CHST11: variants seen among roughly 807,000 people sequenced by gnomAD.
CHST11 encodes the protein C4S-1.
In CHST11, 9 loss-of-function variants were observed where a neutral mutation model predicts 30.4. The observed-to-expected ratio is 0.30, with a 90% CI of 0.18 to 0.52. CHST11 has a LOEUF of 0.52. Among genes scored for constraint, CHST11 ranks in the 20% least tolerant of loss-of-function variants. CHST11 has a pLI of 0.97. For missense variants in CHST11, 348 were observed against 460.6 expected (o/e 0.76, Z 2.24); for synonymous variants, 152 against 187.8 (o/e 0.81, Z 1.56).
intron 1 of CHST11, among the ~76,000 whole-genome samples, chr12:104,462,009 C>CA (rs1464481099): frequency 6.7e-6 from 1 of 150,346 alleles, no homozygotes. Flanking sequence ...ACTAAAAATA[C>CA]AAAAAAAATT....
At chr12:104,744,889 T>A (rs922156903) in intron 2 of CHST11, among the ~76,000 whole-genome samples, 3 of 140,902 alleles carry the variant, frequency 2.1e-5, no homozygotes, top group South Asian at 2.3e-4. Flanking sequence ...TTATTTATTT[T>A]TTGAGACAGA....
intron 1 of CHST11, among the ~76,000 whole-genome samples, chr12:104,506,717 C>T (rs1044347141): frequency 1.3e-5 from 2 of 152,132 alleles, no homozygotes; most frequent in Admixed American, 6.5e-5. Flanking sequence ...GTTCCCCAGG[C>T]GGGAGGGCTA....
At chr12:104,530,877 G>A (rs758247194) in intron 1 of CHST11, among the ~76,000 whole-genome samples, 1 of 152,230 alleles carries the variant, frequency 6.6e-6, no homozygotes, top group Non-Finnish European at 1.5e-5. Context: ...TCGTGCTGTA[G>A]ACCCTGATTC....
chr12:104,685,311 T>C (rs1452868691), intron 2 of CHST11, among the ~76,000 whole-genome samples: 1 of 152,230 alleles, frequency 6.6e-6, no homozygotes, highest in Non-Finnish European at 1.5e-5. Context: ...TTCTATCCCT[T>C]GATATTTATA....
At chr12:104,747,912 C>T (rs1189499846) in intron 2 of CHST11, among the ~76,000 whole-genome samples, 1 of 152,110 alleles carries the variant, frequency 6.6e-6, no homozygotes, top group Non-Finnish European at 1.5e-5. Context: ...TAAGGGAAAC[C>T]AGCTCTTCCT....
At chr12:104,689,845 C>T (rs1282958048) in intron 2 of CHST11, among the ~76,000 whole-genome samples, 8 of 152,172 alleles carry the variant, frequency 5.3e-5, no homozygotes, top group Admixed American at 5.2e-4. Flanking sequence ...CCCCTGGATG[C>T]TCTTCCCCAT....
At chr12:104,666,105 A>G (rs1318836312) in intron 2 of CHST11, among the ~76,000 whole-genome samples, 1 of 152,048 alleles carries the variant, frequency 6.6e-6, no homozygotes, top group African/African-American at 2.4e-5. Context: ...GGTGTGAGCC[A>G]CCGCACCCGG....
chr12:104,581,288 A>G (rs2038741721), intron 1 of CHST11, among the ~76,000 whole-genome samples: 1 of 152,188 alleles, frequency 6.6e-6, no homozygotes, highest in African/African-American at 2.4e-5. Context: ...GGTGGCAGAT[A>G]TCTGGAAGTC....
At chr12:104,630,076 T>G (rs938528274) in intron 2 of CHST11, among the ~76,000 whole-genome samples, 1 of 152,222 alleles carries the variant, frequency 6.6e-6, no homozygotes, top group Non-Finnish European at 1.5e-5. Context: ...AATTTTTCCT[T>G]TTGATTAATA....
chr12:104,751,361 C>T (rs2040430476), intron 2 of CHST11, among the ~76,000 whole-genome samples: 1 of 152,206 alleles, frequency 6.6e-6, no homozygotes, highest in South Asian at 2.1e-4. Flanking sequence ...CTGTTTCCTT[C>T]CTAGTCCTTT....
At chr12:104,601,653 T>C (rs140688954) in intron 1 of CHST11, among the ~76,000 whole-genome samples, 2 of 152,350 alleles carry the variant, frequency 1.3e-5, no homozygotes, top group East Asian at 3.9e-4. Flanking sequence ...CTGTCCTGTT[T>C]TCTTAAAACA....
chr12:104,669,090 C>T (rs563733668), intron 2 of CHST11, among the ~76,000 whole-genome samples: 10 of 152,206 alleles, frequency 6.6e-5, no homozygotes, highest in East Asian at 5.8e-4. Flanking sequence ...CTGCAGCGTG[C>T]GTTAGACGTA....
At chr12:104,525,459 T>C (rs1208911317) in intron 1 of CHST11, among the ~76,000 whole-genome samples, 2 of 152,230 alleles carry the variant, frequency 1.3e-5, no homozygotes, top group Non-Finnish European at 2.9e-5. Flanking sequence ...TTAAAATTCA[T>C]GATTAAGAGC....
At chr12:104,457,872 G>C (rs1380911102) in intron 1 of CHST11, among the ~76,000 whole-genome samples, 6 of 151,546 alleles carry the variant, frequency 4.0e-5, no homozygotes, top group Admixed American at 3.9e-4. Context: ...GGAGAGGTGT[G>C]GGAAGCAACC....
chr12:104,459,734 GA>G (rs1419157843), intron 1 of CHST11, among the ~76,000 whole-genome samples: 1 of 152,186 alleles, frequency 6.6e-6, no homozygotes, highest in Non-Finnish European at 1.5e-5. Flanking sequence ...AGCTTGTGCT[GA>G]AAAAGATCCT....
At chr12:104,678,112 A>C (rs1209858845) in intron 2 of CHST11, among the ~76,000 whole-genome samples, 3 of 152,308 alleles carry the variant, frequency 2.0e-5, no homozygotes, top group East Asian at 3.9e-4. Context: ...CTTGCTCATT[A>C]ATTTGTCTGG....
intron 2 of CHST11, among the ~76,000 whole-genome samples, chr12:104,613,547 G>A (rs575310548): frequency 1.3e-5 from 2 of 152,254 alleles, no homozygotes; most frequent in African/African-American, 4.8e-5. Flanking sequence ...ATGGGAATTG[G>A]TTGTTTGAAA....
chr12:104,680,610 T>C (rs960034350), intron 2 of CHST11, among the ~76,000 whole-genome samples: 6 of 152,212 alleles, frequency 3.9e-5, no homozygotes, highest in African/African-American at 1.4e-4. Flanking sequence ...GCTTATTGGG[T>C]CAGTGATTCA....
Position 104,604,983 on chromosome 12 carries a change from C to G in CHST11, c.204+2992C>G, listed in dbSNP as rs1026983976. ...TATCCCCATTTTATGGATGGGGGAA[C>G]TGAGGCCAATAACTTCATATAACTT... On this transcript the variant is annotated intron_variant, in intron 2 of 2. Coordinates refer to ENST00000303694, the MANE Select transcript of CHST11 (RefSeq NM_018413.6). Among the ~76,000 whole-genome samples the G allele has an allele frequency of 2.0e-5, 3 of 152,026 alleles. No homozygotes were observed. The South Asian group carries it at 6.2e-4, about 32-fold the overall frequency.
Sources: gnomAD v4.1 joint callset for allele counts (sites outside exome capture counted in the v4.1 genomes callset) on GRCh38, gnomAD v4.1.1 for gene constraint, MANE v1.5 for transcripts, NCBI Gene and HGNC (gene_info 2026-07-23, HGNC 2026-07-21) for gene names.